CDHR5: variants seen among roughly 807,000 people sequenced by gnomAD.
CDHR5 encodes cadherin related family member 5, also known as cadherin-related family member 5.
Under a neutral mutation model 69.5 loss-of-function variants are expected in CDHR5, and 82 were observed. The ratio of observed to expected loss-of-function variants is 1.18; its 90% CI spans 0.99 to 1.42. The LOEUF is 1.42. Among genes scored for constraint, CDHR5 ranks in the 40% most tolerant of loss-of-function variants. The pLI is 0.00. For synonymous variants in CDHR5, 601 were observed against 510.2 expected (o/e 1.18, Z -2.40); for missense variants, 1,293 against 1,168.9 (o/e 1.11, Z -1.55).
rs367602582 is a variant in CDHR5 at position 620,399 on chromosome 11, C to T, written c.790-13G>A. 3.0e-5 allele frequency: 47 copies of T among 1,575,794 alleles called. No individual in the cohort carries two copies. The African/African-American group carries it at 3.9e-4, about 13-fold the overall frequency. ...CGAGGGGAGATGGCTTCAGGGATGG[C>T]GGAAGGGAGGGCACGTCGTGGGGCT... On this transcript the variant is annotated splice_polypyrimidine_tract_variant and intron_variant, in intron 7 of 14. Coordinates refer to ENST00000397542, the MANE Select transcript of CDHR5 (RefSeq NM_021924.5).
rs1857606639 is a variant in CDHR5, at chr11:624,542, GC to G, written c.261+14del. 3 of 1,604,578 alleles carry G rather than the reference GC, an allele frequency of 1.9e-6. No individual in the cohort carries two copies. The highest frequency in any genetic ancestry group is 2.2e-5 in the South Asian group (2 of 90,504). On this transcript the variant is annotated intron_variant, in intron 2 of 14. Transcript: ENST00000397542. This position sits in a 1 kb window ranked among gnomAD's most constrained non-coding sequence, Gnocchi z 5.3. Reference sequence around the variant, plus strand: ...CTCCCGGGACCCCCATATCCCGCCCGCCTGCCGCCCACACCTCGTAATCAGG... The same window carrying G: ...CTCCCGGGACCCCCATATCCCGCCCGCTGCCGCCCACACCTCGTAATCAGG...
intron 7 of CDHR5, 97 bp downstream of exon 7, chr11:620,983 A>AACCCCCCCCCCCCCCC: frequency 1.9e-6 from 1 of 537,006 alleles, no homozygotes; most frequent in Non-Finnish European, 3.2e-6. Context: ...CCACCCCCTG[A>AACCCCCCCCCCCCCCC]CCCCGACCCC....
Position 618,112 on chromosome 11 carries a change from C to T in CDHR5, c.1961-1G>A. The stretch of plus-strand genomic sequence containing the variant: ...CGCTTGTCCTCCGAGGGGCCGCCAC[C>T]TGGCATCGCAGTGGAAAACGTCATC... On this transcript the variant is annotated splice_acceptor_variant, in intron 13 of 14. Transcript: ENST00000397542. LOFTEE classifies it high-confidence loss of function. The T allele has an allele frequency of 6.2e-7, 1 of 1,606,318 alleles. No homozygotes were observed. Among genetic ancestry groups the T allele is most frequent in the Non-Finnish European group, 8.5e-7 (1 of 1,176,260 alleles).
In CDHR5 at chr11:617,234, C is replaced by G. The variant is rs1395952707; in HGVS notation, c.*117G>C. 1.2e-6 allele frequency: 1 copy of G among 801,562 alleles called. No individual in the cohort carries two copies. The highest frequency in any genetic ancestry group is 2.0e-6 in the Non-Finnish European group (1 of 500,354). The allele number at this position is 801,562 out of a possible 1,614,324, so 49.7% of individuals were successfully genotyped here. A position where few individuals can be genotyped will look rare whatever the true frequency, so the allele number is the denominator to read the frequency against. ...ATGGGACCCCCATGGACCCGCGCGC[C>G]TGCCCCACGCCATGGCCTGGGTTTC... On this transcript the variant is annotated 3_prime_UTR_variant, in exon 15 of 15. Coordinates refer to ENST00000397542, the MANE Select transcript of CDHR5 (RefSeq NM_021924.5).
chr11:621,536 G>T lies in CDHR5; in HGVS notation c.507+26C>A. ...TGGGTGTCAGAGGCGAGGGGCTCGT[G>T]CTGGGGCAGGGTGGGCGGCACTGAC... On this transcript the variant is annotated intron_variant, in intron 5 of 14. Transcript: ENST00000397542. This position sits in a 1 kb window ranked among gnomAD's most constrained non-coding sequence, Gnocchi z 4.4. 1 of 1,597,514 alleles carries T rather than the reference G, an allele frequency of 6.3e-7. No homozygotes were observed. The highest frequency in any genetic ancestry group is 8.6e-7 in the Non-Finnish European group (1 of 1,165,040).
intron 3 of CDHR5, among the ~76,000 whole-genome samples, chr11:623,869 T>G (rs1040941974): frequency 6.6e-6 from 1 of 151,692 alleles, no homozygotes; most frequent in African/African-American, 2.4e-5. Context: ...CCAACAGATT[T>G]ACCAGTGGGG....
Position 621,746 on chromosome 11 carries a change from ACCT to A in CDHR5, c.405+63_405+65del. ...GTGGTTGAGCCCCCGGCCACCACTC[ACCT>A]CCTGCCCTCACCCTGGGCTCCCACA... On this transcript the variant is annotated intron_variant, in intron 4 of 14. Transcript: ENST00000397542. This position sits in a 1 kb window ranked among gnomAD's most constrained non-coding sequence, Gnocchi z 4.4. The A allele has an allele frequency of 2.6e-6, 4 of 1,558,880 alleles. No homozygotes were observed. The highest frequency in any genetic ancestry group is 2.2e-5 in the East Asian group (1 of 44,522).
Position 617,382 on chromosome 11 carries a change from T to C in CDHR5, c.2507A>G (p.Asp836Gly). 1 of 1,609,700 alleles carries C rather than the reference T, an allele frequency of 6.2e-7. No individual in the cohort carries two copies. Among genetic ancestry groups the C allele is most frequent in the Non-Finnish European group, 8.5e-7 (1 of 1,178,018 alleles). Residue 836 changes from aspartate to glycine, a missense_variant, in exon 15 of 15, where the codon GAT becomes GGT. By Grantham distance (94) the Asp-to-Gly change is moderately conservative. Coordinates refer to ENST00000397542, the MANE Select transcript of CDHR5 (RefSeq NM_021924.5). ...EGAGRGGGPY[D>G]APGGDDSYI ...GTAGGAGTCATCACCACCGGGCGCA[T>C]CGTAGGGACCCCCACCCCTCCCCGC... is the stretch of plus-strand genomic sequence containing the variant.
At position 617,540 on chromosome 11, in the gene CDHR5, C is replaced by T. The variant is rs370991978; in HGVS notation, c.2349G>A (p.Arg783=). The change falls in exon 15 of 15, where the codon CGG becomes CGA. Residue 783 remains arginine (R), a synonymous_variant. Transcript: ENST00000397542. ...AGACAGCCTTGTACCCGCCCTCCGG[C>T]CGCCGCTCCTTGGTCAGGATGGACC... ...AVRSILTKER[R]PEGGYKAVWF... 7 of 1,612,310 alleles carry T rather than the reference C, an allele frequency of 4.3e-6. No individual in the cohort carries two copies. Among genetic ancestry groups the T allele is most frequent in the African/African-American group, 1.3e-5 (1 of 74,910 alleles).
rs748538470 is a variant in CDHR5, at chr11:624,575, G to A, written c.243C>T (p.Asn81=). 7 of 1,607,914 alleles carry A rather than the reference G, an allele frequency of 4.4e-6. No homozygotes were observed. Among genetic ancestry groups the A allele is most frequent in the South Asian group, 1.1e-5 (1 of 90,686 alleles). The change falls in exon 2 of 15, where the codon AAC becomes AAT. Residue 81 remains asparagine, a synonymous_variant. Transcript: ENST00000397542. This position sits in a 1 kb window ranked among gnomAD's most constrained non-coding sequence, Gnocchi z 5.3. The stretch of plus-strand genomic sequence containing the variant: ...CCCACACCTCGTAATCAGGAGTCAC[G>A]TTGAGAAACAGCTGGTTTCCCTGGA... ...FRIQGNQLFL[N]VTPDYEEKSL...
rs1381739113 is a variant in CDHR5, at chr11:624,812, A to G, written c.85+6T>C. ...CCGTGCCCCACCTACCCCTGCCCGCACATACACTGGGCCTGGGCCATGGTC... is the reference window on the plus strand; with the variant it reads ...CCGTGCCCCACCTACCCCTGCCCGCGCATACACTGGGCCTGGGCCATGGTC... On this transcript the variant is annotated splice_donor_region_variant and intron_variant, in intron 1 of 14. Transcript: ENST00000397542. The surrounding 1 kb of genome is among the most constrained non-coding windows in gnomAD (Gnocchi z 5.3). The G allele has an allele frequency of 1.2e-6, 2 of 1,609,626 alleles. No individual in the cohort carries two copies. The highest frequency in any genetic ancestry group is 1.7e-5 in the Admixed American group (1 of 58,996).
chr11:620,123 T>C lies in CDHR5; in HGVS notation c.922A>G (p.Asn308Asp). 1.2e-6 allele frequency: 2 copies of C among 1,613,646 alleles called. No homozygotes were observed. The highest frequency in any genetic ancestry group is 1.7e-6 in the Non-Finnish European group (2 of 1,179,844). The change falls in exon 9 of 15, where the codon AAC (asparagine) becomes GAC (aspartate). Residue 308 changes from asparagine to aspartate, a missense_variant. Asn to Asp is a conservative substitution (Grantham distance 23). Coordinates refer to ENST00000397542, the MANE Select transcript of CDHR5 (RefSeq NM_021924.5). The part of the protein sequence containing the change: ...GTFIIHPDSG[N>D]LTVARSVPSP... The stretch of plus-strand genomic sequence containing the variant: ...GGGACACTCCTGGCCACGGTGAGGT[T>C]GCCCGAGTCTGGGTGGATGATGAAT...
chr11:624,604 G>T lies in CDHR5; in HGVS notation c.214C>A (p.Arg72=). 2.5e-6 allele frequency: 4 copies of T among 1,611,358 alleles called. No individual in the cohort carries two copies. The highest frequency in any genetic ancestry group is 1.3e-5 in the African/African-American group (1 of 75,020). ...LGALSTPFAF[R]IQGNQLFLNV... ...AGAAACAGCTGGTTTCCCTGGATCC[G>T]AAATGCAAAGGGGGTGGACAAGGCT... is the stretch of plus-strand genomic sequence containing the variant. The change falls in exon 2 of 15, where the codon CGG becomes AGG. Residue 72 remains arginine (R), a synonymous_variant. Transcript: ENST00000397542. The surrounding 1 kb of genome is among the most constrained non-coding windows in gnomAD (Gnocchi z 5.3).
Position 621,037 on chromosome 11 carries a change from C to T in CDHR5, c.789+43G>A, listed in dbSNP as rs1857344801. On this transcript the variant is annotated intron_variant, in intron 7 of 14. Coordinates refer to ENST00000397542, the MANE Select transcript of CDHR5 (RefSeq NM_021924.5). This position sits in a 1 kb window ranked among gnomAD's most constrained non-coding sequence, Gnocchi z 4.4. The stretch of plus-strand genomic sequence containing the variant: ...CTGGCCGTCCCTGTGTCCAGCCTGC[C>T]TAGAAGGCCCTGCCCCGTGCACTGC... 1 of 1,448,686 alleles carries T rather than the reference C, an allele frequency of 6.9e-7. No homozygotes were observed. Among genetic ancestry groups the T allele is most frequent in the African/African-American group, 1.4e-5 (1 of 70,530 alleles). The allele number at this position is 1,448,686 out of a possible 1,614,324, so 89.7% of individuals were successfully genotyped here. A position where few individuals can be genotyped will look rare whatever the true frequency, so the allele number is the denominator to read the frequency against.
At position 617,191 on chromosome 11, in the gene CDHR5, C is replaced by T. The variant is rs1283402453; in HGVS notation, c.*160G>A. 3 of 623,342 alleles carry T rather than the reference C, an allele frequency of 4.8e-6. No homozygotes were observed. Among genetic ancestry groups the T allele is most frequent in the South Asian group, 2.0e-5 (1 of 50,200 alleles). 38.6% of individuals were successfully genotyped at this position (623,342 alleles called of 1,614,324 possible). A position where few individuals can be genotyped will look rare whatever the true frequency, so the allele number is the denominator to read the frequency against. ...CACACCTGGGCTCAAGCGCTAATGACGACAGGGGACTGAGTGAATGGGACC... is the reference window on the plus strand; with the variant it reads ...CACACCTGGGCTCAAGCGCTAATGATGACAGGGGACTGAGTGAATGGGACC... On this transcript the variant is annotated 3_prime_UTR_variant, in exon 15 of 15. Coordinates refer to ENST00000397542, the MANE Select transcript of CDHR5 (RefSeq NM_021924.5).
chr11:618,469 G>C (rs1351913722), intron 13 of CDHR5, 130 bp downstream of exon 13: 2 of 1,142,138 alleles, frequency 1.8e-6, no homozygotes, highest in Admixed American at 4.4e-5. Flanking sequence ...GTGTCTGTCA[G>C]TCCCAAACAG....
Position 617,703 on chromosome 11 carries a change from A to G in CDHR5, c.2186T>C (p.Val729Ala), listed in dbSNP as rs2133175753. 1 of 1,460,826 alleles carries G rather than the reference A, an allele frequency of 6.8e-7. No homozygotes were observed. The highest frequency in any genetic ancestry group is 9.0e-7 in the Non-Finnish European group (1 of 1,113,994). 90.5% of individuals were successfully genotyped at this position (1,460,826 alleles called of 1,614,324 possible). The change falls in exon 15 of 15, where the codon GTC (valine) becomes GCC (alanine). Residue 729 changes from valine to alanine, a missense_variant. By Grantham distance (64) the Val-to-Ala change is moderately conservative. Transcript: ENST00000397542. Reference protein sequence around the residue: ...LPDHKANWAPVPSPTHDPKPA... With the variant: ...LPDHKANWAPAPSPTHDPKPA... ...CTTGGGGTCGTGCGTGGGGCTGGGG[A>G]CGGGCGCCCAGTTGGCCTTGTGGTC... is the stretch of plus-strand genomic sequence containing the variant.
chr11:620,432 A>G, intron 7 of CDHR5, 46 bp from the exon 8 acceptor site: 1 of 1,362,740 alleles, frequency 7.3e-7, no homozygotes, highest in Non-Finnish European at 1.0e-6. Context: ...GCTGGGGTGG[A>G]TGGCCCCAGC....
rs960393168 is a variant in CDHR5, at chr11:621,978, C to A, written c.313-74G>T. ...GGTGCACCCCTCGACGGCTATCCGT[C>A]CCCACCGTGAGTGAGGTGCACCCCT... is the stretch of plus-strand genomic sequence containing the variant. On this transcript the variant is annotated intron_variant, in intron 3 of 14. Coordinates refer to ENST00000397542, the MANE Select transcript of CDHR5 (RefSeq NM_021924.5). This position sits in a 1 kb window ranked among gnomAD's most constrained non-coding sequence, Gnocchi z 4.4. 29 of 1,215,042 alleles carry A rather than the reference C, an allele frequency of 2.4e-5. No individual in the cohort carries two copies. Among genetic ancestry groups the A allele is most frequent in the Non-Finnish European group, 3.4e-5 (29 of 849,556 alleles). 75.3% of individuals were successfully genotyped at this position (1,215,042 alleles called of 1,614,324 possible).
Sources: allele counts gnomAD v4.1 joint callset (sites outside exome capture counted in the v4.1 genomes callset), GRCh38; gene constraint gnomAD v4.1.1; non-coding constraint Gnocchi (gnomAD v3.1); transcripts MANE v1.5; gene names NCBI Gene and HGNC (gene_info 2026-07-23, HGNC 2026-07-21).